Variants in SPATS2 observed in about 807,000 individuals in gnomAD.
The protein encoded by SPATS2 is spermatogenesis-associated serine-rich protein 2.
Under a neutral mutation model 63.7 loss-of-function variants are expected in SPATS2, and 38 were observed. The observed-to-expected ratio is 0.60, with a 90% CI of 0.46 to 0.78. The LOEUF is 0.78. Among genes scored for constraint, SPATS2 ranks in the 30% least tolerant of loss-of-function variants. The pLI is 0.00. For synonymous variants in SPATS2, 207 were observed against 232.9 expected (o/e 0.89, Z 1.01); for missense variants, 588 against 666.2 (o/e 0.88, Z 1.29).
At chr12:49,430,945 C>G (rs574503034) in intron 2 of SPATS2, among the ~76,000 whole-genome samples, 2 of 152,314 alleles carry the variant, frequency 1.3e-5, no homozygotes, top group African/African-American at 4.8e-5. Flanking sequence ...AATGATCCAC[C>G]CGCCTCAGTG....
intron 2 of SPATS2, among the ~76,000 whole-genome samples, chr12:49,449,342 A>C (rs573121383): frequency 2.6e-5 from 4 of 152,166 alleles, no homozygotes; most frequent in Admixed American, 6.5e-5. Flanking sequence ...CAGCCTCCTG[A>C]GTAGCTGGGG....
Position 49,460,931 on chromosome 12 carries a change from A to C in SPATS2, c.-82A>C. 1 of 1,549,962 alleles carries C rather than the reference A, an allele frequency of 6.5e-7. No individual in the cohort carries two copies. The highest frequency in any genetic ancestry group is 8.8e-7 in the Non-Finnish European group (1 of 1,130,836). ...TGCACACTTCCGTTGCCCACTTTTA[A>C]ATCAGAGATACCTACACTCAAAACC... On this transcript the variant is annotated 5_prime_UTR_variant, in exon 3 of 14. Transcript: ENST00000552918.
At chr12:49,373,428 C>G (rs1201285689) in intron 2 of SPATS2, among the ~76,000 whole-genome samples, 3 of 152,174 alleles carry the variant, frequency 2.0e-5, no homozygotes, top group Non-Finnish European at 4.4e-5. Context: ...TGTAGGTGGT[C>G]TGTCTGAAAC....
chr12:49,389,779 C>T (rs2137239071), intron 2 of SPATS2: 2 of 1,225,828 alleles, frequency 1.6e-6, no homozygotes, highest in Non-Finnish European at 1.2e-6. Flanking sequence ...GAATTGCGTA[C>T]ATCCCTGGAA....
intron 6 of SPATS2, 79 bp downstream of exon 6, chr12:49,490,810 G>A: frequency 1.5e-6 from 2 of 1,355,904 alleles, no homozygotes; most frequent in Non-Finnish European, 2.1e-6. Flanking sequence ...ATATTTGAAA[G>A]AAAAGGTTCA....
chr12:49,462,743 G>A (rs1395367410), intron 3 of SPATS2: 1 of 436,914 alleles, frequency 2.3e-6, no homozygotes, highest in Non-Finnish European at 4.1e-6. Context: ...AAGTCCAGCT[G>A]TCTCCAGCTA....
At chr12:49,456,921 C>T (rs974339177) in intron 2 of SPATS2, among the ~76,000 whole-genome samples, 9 of 151,948 alleles carry the variant, frequency 5.9e-5, no homozygotes, top group African/African-American at 1.9e-4. Flanking sequence ...ATTGTTTTCT[C>T]TGTTTTTTCT....
rs147595131 is a variant in SPATS2, at chr12:49,402,511, G to A, written c.-244+31221G>A. ...GGACTATAATTATTGTAACGACAAG[G>A]TCTAGGGTATTGACTGTGGGAGTGA... On this transcript the variant is annotated intron_variant, in intron 2 of 13. Transcript: ENST00000552918. Among the ~76,000 whole-genome samples, 5 of 152,336 alleles carry A rather than the reference G, an allele frequency of 3.3e-5. No homozygotes were observed. The East Asian group carries it at 9.6e-4, about 29-fold the overall frequency.
chr12:49,481,381 A>G (rs1258802027), intron 3 of SPATS2, among the ~76,000 whole-genome samples: 1 of 152,024 alleles, frequency 6.6e-6, no homozygotes, highest in Non-Finnish European at 1.5e-5. Flanking sequence ...AGAAAGAAAT[A>G]ATTCCAAAAA....
At chr12:49,416,871 C>G (rs1017624347) in intron 2 of SPATS2, among the ~76,000 whole-genome samples, 1 of 152,176 alleles carries the variant, frequency 6.6e-6, no homozygotes, top group African/African-American at 2.4e-5. Flanking sequence ...GAGACTCTAC[C>G]TTTTGATGGG....
intron 7 of SPATS2, 78 bp from the exon 8 acceptor site, chr12:49,496,755 C>G: frequency 1.4e-6 from 2 of 1,446,314 alleles, no homozygotes; most frequent in Non-Finnish European, 1.9e-6. Flanking sequence ...ACATTTTTAC[C>G]TGTTTTCTTT....
chr12:49,446,781 C>A (rs527745209), intron 2 of SPATS2, among the ~76,000 whole-genome samples: 1 of 152,226 alleles, frequency 6.6e-6, no homozygotes, highest in African/African-American at 2.4e-5. Context: ...ACATTAATTA[C>A]ATCTGCAAAG....
At chr12:49,481,453 T>G (rs1330107823) in intron 3 of SPATS2, among the ~76,000 whole-genome samples, 2 of 148,758 alleles carry the variant, frequency 1.3e-5, no homozygotes, top group Admixed American at 6.7e-5. Context: ...GCTCAAGGCT[T>G]CCTCATTTTT....
At chr12:49,503,469 G>A (rs1215981817) in intron 9 of SPATS2, among the ~76,000 whole-genome samples, 1 of 150,790 alleles carries the variant, frequency 6.6e-6, no homozygotes, top group African/African-American at 2.4e-5. Flanking sequence ...CTAACAAGGT[G>A]AAACCCCGTC....
intron 3 of SPATS2, among the ~76,000 whole-genome samples, chr12:49,464,980 A>C (rs1408961317): frequency 6.6e-6 from 1 of 152,184 alleles, no homozygotes; most frequent in Non-Finnish European, 1.5e-5. Context: ...TATTAGTACA[A>C]TATAGATATT....
intron 2 of SPATS2, among the ~76,000 whole-genome samples, chr12:49,422,596 T>C (rs1470046064): frequency 3.9e-5 from 6 of 152,190 alleles, no homozygotes; most frequent in African/African-American, 1.4e-4. Context: ...TCCTGGCCTA[T>C]AGTAAGCATT....
chr12:49,454,727 A>T (rs1050400328), intron 2 of SPATS2, among the ~76,000 whole-genome samples: 8 of 152,132 alleles, frequency 5.3e-5, no homozygotes, highest in South Asian at 2.1e-4. Flanking sequence ...TACAAAAGAT[A>T]AAAAAATTAG....
intron 2 of SPATS2, among the ~76,000 whole-genome samples, chr12:49,426,469 C>T (rs1945078287): frequency 6.6e-6 from 1 of 152,154 alleles, no homozygotes; most frequent in Admixed American, 6.6e-5. Context: ...CACTATTTTG[C>T]ACCTGACATT....
intron 2 of SPATS2, among the ~76,000 whole-genome samples, chr12:49,402,608 A>G (rs573528918): frequency 6.6e-6 from 1 of 152,304 alleles, no homozygotes; most frequent in South Asian, 2.1e-4. Context: ...CGAGCATCAG[A>G]ACAGTCATCT....
Sources: allele counts gnomAD v4.1 joint callset (sites outside exome capture counted in the v4.1 genomes callset), GRCh38; gene constraint gnomAD v4.1.1; transcripts MANE v1.5; gene names NCBI Gene and HGNC (gene_info 2026-07-23, HGNC 2026-07-21).